Variants in IFFO2 observed in about 807,000 individuals in gnomAD.
IFFO2 encodes intermediate filament family orphan 2.
In IFFO2, 19 loss-of-function variants were observed where a neutral mutation model predicts 53.5. The observed-to-expected ratio is 0.36, with a 90% CI of 0.25 to 0.52. IFFO2 has a LOEUF of 0.52. IFFO2 is among the 20% of genes least tolerant of loss of function. The pLI is 0.94. For synonymous variants in IFFO2, 303 were observed against 313.6 expected (o/e 0.97, Z 0.36); for missense variants, 570 against 727.4 (o/e 0.78, Z 2.49).
Position 18,928,231 on chromosome 1 carries a change from G to T in IFFO2, c.666-7110C>A, listed in dbSNP as rs780570923. 5.3e-5 allele frequency among the ~76,000 whole-genome samples: 8 copies of T among 152,136 alleles called. No individual in the cohort carries two copies. Among genetic ancestry groups the T allele is most frequent in the Non-Finnish European group, 1.2e-4 (8 of 68,026 alleles). ...GGGACACCTGGCACCACCTCTTGTGGCCTCCCGGCTCCCATCTCCATGGAG... is the reference window on the plus strand; with the variant it reads ...GGGACACCTGGCACCACCTCTTGTGTCCTCCCGGCTCCCATCTCCATGGAG... On this transcript the variant is annotated intron_variant, in intron 1 of 8. Transcript: ENST00000455833. This position sits in a 1 kb window ranked among gnomAD's most constrained non-coding sequence, Gnocchi z 4.9.
At chr1:18,909,942 G>A (rs1178526581) in intron 8 of IFFO2, among the ~76,000 whole-genome samples, 1 of 152,140 alleles carries the variant, frequency 6.6e-6, no homozygotes, top group Non-Finnish European at 1.5e-5. Context: ...TAACAGATGG[G>A]AAAGGAAGGG....
intron 1 of IFFO2, among the ~76,000 whole-genome samples, chr1:18,938,336 G>T (rs1278003678): frequency 6.6e-6 from 1 of 152,204 alleles, no homozygotes; most frequent in African/African-American, 2.4e-5. Flanking sequence ...ACCTCCAGCT[G>T]CTGGGAAGGC....
chr1:18,918,946 C>T lies in IFFO2; in HGVS notation c.823-444G>A, dbSNP rs1194275092. 6.6e-6 allele frequency among the ~76,000 whole-genome samples: 1 copy of T among 152,104 alleles called. No homozygotes were observed. Among genetic ancestry groups the T allele is most frequent in the African/African-American group, 2.4e-5 (1 of 41,422 alleles). Reference sequence around the variant, plus strand: ...CACTGAGGACCACAGGGTTGATCCCCTTGGACACAAGTGAGAGGGAGCCCA... The same window carrying T: ...CACTGAGGACCACAGGGTTGATCCCTTTGGACACAAGTGAGAGGGAGCCCA... On this transcript the variant is annotated intron_variant, in intron 3 of 8. Coordinates refer to ENST00000455833, the MANE Select transcript of IFFO2 (RefSeq NM_001136265.2). The surrounding 1 kb of genome is among the most constrained non-coding windows in gnomAD (Gnocchi z 5.2).
intron 1 of IFFO2, among the ~76,000 whole-genome samples, chr1:18,927,359 G>A (rs1489022045): frequency 1.3e-5 from 2 of 152,248 alleles, no homozygotes; most frequent in Non-Finnish European, 2.9e-5. Context: ...CTCAGTGGAA[G>A]ACTTCATTCT....
chr1:18,946,254 G>T (rs888349013), intron 1 of IFFO2, among the ~76,000 whole-genome samples: 1 of 152,088 alleles, frequency 6.6e-6, no homozygotes. Flanking sequence ...ACAGCCTCAT[G>T]AGGTCAGATT....
rs1231341975 is a variant in IFFO2, at chr1:18,925,889, ATGGAT to A, written c.666-4773_666-4769del. ...GATGGATGGATGGATGGATGGATGG[ATGGAT>A]TGGATGGATTGGTTGGATGGATGGA... On this transcript the variant is annotated intron_variant, in intron 1 of 8. Coordinates refer to ENST00000455833, the MANE Select transcript of IFFO2 (RefSeq NM_001136265.2). 3.4e-3 allele frequency among the ~76,000 whole-genome samples: 91 copies of A among 26,846 alleles called. 2 individuals carry two copies. Among genetic ancestry groups the A allele is most frequent in the African/African-American group, 7.1e-3 (45 of 6,332 alleles). 17.6% of individuals were successfully genotyped at this position (26,846 alleles called of 152,430 possible). A position where few individuals can be genotyped will look rare whatever the true frequency, so the allele number is the denominator to read the frequency against.
chr1:18,912,281 T>G (rs2100642203), intron 5 of IFFO2, among the ~76,000 whole-genome samples, 198 bp from the exon 6 acceptor site: 1 of 150,848 alleles, frequency 6.6e-6, no homozygotes. Flanking sequence ...AATGTATTTA[T>G]GTATTGCTTG....
At chr1:18,949,876 G>A (rs1356911138) in intron 1 of IFFO2, among the ~76,000 whole-genome samples, 1 of 152,220 alleles carries the variant, frequency 6.6e-6, no homozygotes, top group African/African-American at 2.4e-5. Flanking sequence ...GTTTGCCAAG[G>A]CAAAGCCCCG....
chr1:18,934,185 A>G (rs1365474689), intron 1 of IFFO2, among the ~76,000 whole-genome samples: 3 of 143,398 alleles, frequency 2.1e-5, no homozygotes, highest in Non-Finnish European at 4.5e-5. Flanking sequence ...CCCCTGCCTC[A>G]GCCTCTGGAG....
intron 1 of IFFO2, among the ~76,000 whole-genome samples, chr1:18,933,443 G>A: frequency 6.6e-6 from 1 of 152,228 alleles, no homozygotes; most frequent in Middle Eastern, 3.2e-3. Flanking sequence ...GGATTATGGG[G>A]TAGAACTGTC....
At chr1:18,951,073 G>A (rs1174346246) in intron 1 of IFFO2, among the ~76,000 whole-genome samples, 5 of 152,286 alleles carry the variant, frequency 3.3e-5, no homozygotes, top group Middle Eastern at 6.8e-3. Context: ...CCCCCCTCTG[G>A]GCCTTGGTTT....
rs562871781 is a variant in IFFO2 at position 18,919,323 on chromosome 1, C to A, written c.822+355G>T. Among the ~76,000 whole-genome samples the A allele has an allele frequency of 2.2e-4, 34 of 152,348 alleles. No individual in the cohort carries two copies. The East Asian group carries it at 6.6e-3, about 29-fold the overall frequency. Reference sequence around the variant, plus strand: ...ACAGACCAGACGGCACCTGGCCCAACCTGCCAGACGCCCTGCTACGCCCAG... The same window carrying A: ...ACAGACCAGACGGCACCTGGCCCAAACTGCCAGACGCCCTGCTACGCCCAG... On this transcript the variant is annotated intron_variant, in intron 3 of 8. Coordinates refer to ENST00000455833, the MANE Select transcript of IFFO2 (RefSeq NM_001136265.2). This position sits in a 1 kb window ranked among gnomAD's most constrained non-coding sequence, Gnocchi z 4.9.
Position 18,956,235 on chromosome 1 carries a change from C to G in IFFO2, c.98G>C (p.Gly33Ala), listed in dbSNP as rs1045796285. ...CGGCGACGGACCCGGCCCTGCCCCGCCGCCGCCGCCGCCCCCGCCAGGGCA... is the reference window on the plus strand; with the variant it reads ...CGGCGACGGACCCGGCCCTGCCCCGGCGCCGCCGCCGCCCCCGCCAGGGCA... ...GGCPGGGGGG[G>A]GAGPGPSPVT... Residue 33 changes from glycine to alanine, a missense_variant, in exon 1 of 9, where the codon GGC becomes GCC. By Grantham distance (60) the Gly-to-Ala change is moderately conservative. Transcript: ENST00000455833. This position sits in a 1 kb window ranked among gnomAD's most constrained non-coding sequence, Gnocchi z 6.4. The G allele has an allele frequency of 6.7e-6, 8 of 1,201,784 alleles. No individual in the cohort carries two copies. Among genetic ancestry groups the G allele is most frequent in the Non-Finnish European group, 8.5e-6 (8 of 939,170 alleles). 74.4% of individuals were successfully genotyped at this position (1,201,784 alleles called of 1,614,324 possible). A position where few individuals can be genotyped will look rare whatever the true frequency, so the allele number is the denominator to read the frequency against.
At position 18,919,311 on chromosome 1, in the gene IFFO2, C is replaced by A. The variant is rs3018812; in HGVS notation, c.822+367G>T. ...TCTCAGGCCCGCACAGACCAGACGG[C>A]ACCTGGCCCAACCTGCCAGACGCCC... On this transcript the variant is annotated intron_variant, in intron 3 of 8. Transcript: ENST00000455833. The surrounding 1 kb of genome is among the most constrained non-coding windows in gnomAD (Gnocchi z 4.9). Among the ~76,000 whole-genome samples the A allele has an allele frequency of 6.6e-6, 1 of 152,214 alleles. No individual in the cohort carries two copies. The highest frequency in any genetic ancestry group is 1.5e-5 in the Non-Finnish European group (1 of 68,042).
intron 1 of IFFO2, among the ~76,000 whole-genome samples, chr1:18,931,960 C>A (rs560852873): frequency 6.6e-6 from 1 of 152,234 alleles, no homozygotes; most frequent in Non-Finnish European, 1.5e-5. Flanking sequence ...TGCCCATGCA[C>A]TTATTTCTCA....
intron 1 of IFFO2, among the ~76,000 whole-genome samples, chr1:18,941,072 A>G (rs1936514777): frequency 6.6e-6 from 1 of 152,238 alleles, no homozygotes; most frequent in African/African-American, 2.4e-5. Context: ...TTGACAAGGA[A>G]CAAGTCATTT....
chr1:18,953,057 C>T (rs1281768115), intron 1 of IFFO2, among the ~76,000 whole-genome samples: 2 of 152,206 alleles, frequency 1.3e-5, no homozygotes, highest in Non-Finnish European at 2.9e-5. Context: ...AGGGGAAACC[C>T]TGGAACCTTT....
chr1:18,919,344 C>A lies in IFFO2; in HGVS notation c.822+334G>T, dbSNP rs955323700. On this transcript the variant is annotated intron_variant, in intron 3 of 8. Coordinates refer to ENST00000455833, the MANE Select transcript of IFFO2 (RefSeq NM_001136265.2). This position sits in a 1 kb window ranked among gnomAD's most constrained non-coding sequence, Gnocchi z 4.9. ...CCAACCTGCCAGACGCCCTGCTACG[C>A]CCAGACACCGAGGCCTGCCCTCATC... Among the ~76,000 whole-genome samples, 1 of 152,206 alleles carries A rather than the reference C, an allele frequency of 6.6e-6. No individual in the cohort carries two copies. The highest frequency in any genetic ancestry group is 1.5e-5 in the Non-Finnish European group (1 of 68,036).
At chr1:18,925,753 A>G (rs1466622706) in intron 1 of IFFO2, among the ~76,000 whole-genome samples, 4 of 151,156 alleles carry the variant, frequency 2.6e-5, no homozygotes, top group Admixed American at 2.6e-4. Context: ...TATCGAATGG[A>G]TTGGTTGGAT....
Sources: allele counts gnomAD v4.1 joint callset (sites outside exome capture counted in the v4.1 genomes callset), GRCh38; gene constraint gnomAD v4.1.1; non-coding constraint Gnocchi (gnomAD v3.1); transcripts MANE v1.5; gene names NCBI Gene and HGNC (gene_info 2026-07-23, HGNC 2026-07-21).